The following VPS53 variants were observed in gnomAD, a reference collection of about 807,000 sequenced individuals.
VPS53 encodes the protein VPS53 subunit of GARP complex.
Under a neutral mutation model 107.0 loss-of-function variants are expected in VPS53, and 70 were observed. The ratio of observed to expected loss-of-function variants is 0.65; its 90% confidence interval spans 0.54 to 0.80. The LOEUF is 0.80. VPS53 is among the 30% of genes least tolerant of loss of function. The pLI is 0.00. For missense variants in VPS53, 917 were observed against 1,049.4 expected (o/e 0.87, Z 1.74); for synonymous variants, 409 against 393.3 (o/e 1.04, Z -0.47).
intron 5 of VPS53, chr17:656,794 T>C: frequency 6.9e-7 from 1 of 1,451,338 alleles, no homozygotes; most frequent in Non-Finnish European, 9.6e-7. Flanking sequence ...ACGGACCATT[T>C]CACCCGCTGC....
Position 511,077 on chromosome 17 carries a change from G to C in VPS53, c.*8051C>G, listed in dbSNP as rs368726789. ...GGCTGTGGGGGACTCTGTGTAAACA[G>C]ATGTTTTCTTTATATAGCATTTGAT... On this transcript the variant is annotated 3_prime_UTR_variant, in exon 22 of 22. Coordinates refer to ENST00000437048, the MANE Select transcript of VPS53 (RefSeq NM_001128159.3). 3 of 152,318 alleles carry C rather than the reference G, an allele frequency of 2.0e-5. No homozygotes were observed. The highest frequency in any genetic ancestry group is 4.4e-5 in the Non-Finnish European group (3 of 68,064). The allele number at this position is 152,318 out of a possible 1,614,324, so 9.4% of individuals were successfully genotyped here.
chr17:618,407 C>T (rs1385112470), intron 11 of VPS53, among the ~76,000 whole-genome samples: 19 of 125,720 alleles, frequency 1.5e-4, no homozygotes, highest in African/African-American at 2.8e-4. Flanking sequence ...TGCACCACCA[C>T]GCCCCACTAA....
intron 4 of VPS53, among the ~76,000 whole-genome samples, chr17:662,813 G>GAAAGAGAAAGAAAGAAAA: frequency 6.8e-6 from 1 of 146,626 alleles, no homozygotes. Flanking sequence ...AAGAAAAAAA[G>GAAAGAGAAAGAAAGAAAA]AAAGAAAGAG....
At chr17:578,182 G>C (rs1366146847) in intron 13 of VPS53, among the ~76,000 whole-genome samples, 9 of 151,520 alleles carry the variant, frequency 5.9e-5, no homozygotes, top group Admixed American at 5.9e-4. Context: ...CGTTCCCAAA[G>C]AATCTCCCTC....
intron 8 of VPS53, among the ~76,000 whole-genome samples, chr17:629,528 C>A (rs902249632): frequency 6.6e-6 from 1 of 152,006 alleles, no homozygotes; most frequent in African/African-American, 2.4e-5. Flanking sequence ...GAGGCCAAGG[C>A]AGGCAGATCA....
intron 18 of VPS53, among the ~76,000 whole-genome samples, chr17:535,345 T>C (rs59233002): frequency 0.18 from 27,351 of 152,004 alleles, 6,124 homozygotes; most frequent in African/African-American, 0.52. Context: ...CGACTCCTCC[T>C]TCACTTTAAC....
intron 7 of VPS53, among the ~76,000 whole-genome samples, chr17:637,132 T>C (rs1567696423): frequency 6.6e-6 from 1 of 152,342 alleles, no homozygotes; most frequent in African/African-American, 2.4e-5. Context: ...AACTTCTTCC[T>C]GGTTTAGTCT....
chr17:543,583 C>T (rs1034373847), intron 17 of VPS53, among the ~76,000 whole-genome samples: 20 of 151,676 alleles, frequency 1.3e-4, no homozygotes, highest in African/African-American at 3.6e-4. Context: ...AGGGAGCCCA[C>T]GGCTCTCTAT....
At chr17:579,596 C>A (rs1422987611) in intron 13 of VPS53, among the ~76,000 whole-genome samples, 4 of 151,560 alleles carry the variant, frequency 2.6e-5, no homozygotes, top group African/African-American at 7.3e-5. Context: ...TAATGTGTTC[C>A]CAGAGAACCT....
intron 12 of VPS53, among the ~76,000 whole-genome samples, chr17:595,871 TCG>T (rs1967945934): frequency 7.6e-6 from 1 of 132,080 alleles, no homozygotes; most frequent in African/African-American, 3.2e-5. Flanking sequence ...ATCAATTTCC[TCG>T]TTTGATGATG....
chr17:677,369 T>C (rs1483888556), intron 4 of VPS53, among the ~76,000 whole-genome samples: 1 of 152,208 alleles, frequency 6.6e-6, no homozygotes, highest in African/African-American at 2.4e-5. Flanking sequence ...ATTGTAGAAT[T>C]CCACTTATAT....
Position 512,356 on chromosome 17 carries a change from G to A in VPS53, c.*6772C>T, listed in dbSNP as rs1293122598. 1 of 152,216 alleles carries A rather than the reference G, an allele frequency of 6.6e-6. No homozygotes were observed. The highest frequency in any genetic ancestry group is 1.5e-5 in the Non-Finnish European group (1 of 68,048). The allele number at this position is 152,216 out of a possible 1,614,324, so 9.4% of individuals were successfully genotyped here. ...ACCAATATTGAAAATGGATGCTCAG[G>A]GGATCAGTGACTCGCCTGGTGTCAA... On this transcript the variant is annotated 3_prime_UTR_variant, in exon 22 of 22. Coordinates refer to ENST00000437048, the MANE Select transcript of VPS53 (RefSeq NM_001128159.3).
chr17:529,660 G>A (rs1322675305), intron 19 of VPS53, among the ~76,000 whole-genome samples: 1 of 152,040 alleles, frequency 6.6e-6, no homozygotes, highest in Non-Finnish European at 1.5e-5. Context: ...TGGATTCTGT[G>A]TCTTAATATT....
chr17:594,825 C>G (rs1182146096), intron 12 of VPS53, among the ~76,000 whole-genome samples: 1 of 108,622 alleles, frequency 9.2e-6, no homozygotes, highest in Admixed American at 8.8e-5. Context: ...GTGCCCTGCC[C>G]TCGAGGAAGC....
At chr17:707,195 G>T (rs1048605306) in intron 2 of VPS53, among the ~76,000 whole-genome samples, 1 of 152,090 alleles carries the variant, frequency 6.6e-6, no homozygotes, top group Non-Finnish European at 1.5e-5. Context: ...ATAATATTCT[G>T]GGGATACAGG....
intron 13 of VPS53, among the ~76,000 whole-genome samples, chr17:565,423 A>AG (rs1470806203): frequency 3.2e-4 from 42 of 132,814 alleles, no homozygotes; most frequent in Non-Finnish European, 3.4e-4. Context: ...AAAAAAAAAA[A>AG]AAAGAAAGAA....
At chr17:699,215 T>C in intron 3 of VPS53, 116 bp downstream of exon 3, 1 of 704,174 alleles carries the variant, frequency 1.4e-6, no homozygotes, top group Non-Finnish European at 2.1e-6. Context: ...TATATTACCA[T>C]CTATGGCAAA....
At chr17:533,583 G>A (rs1426431638) in intron 18 of VPS53, among the ~76,000 whole-genome samples, 1 of 152,128 alleles carries the variant, frequency 6.6e-6, no homozygotes, top group Admixed American at 6.5e-5. Context: ...CAGTACACAC[G>A]CACCTCTCAG....
chr17:541,983 T>G (rs531236848), intron 17 of VPS53, among the ~76,000 whole-genome samples: 1 of 140,232 alleles, frequency 7.1e-6, no homozygotes, highest in Admixed American at 7.3e-5. Context: ...ATCAAGCACC[T>G]ACCATGCACC....
Sources: allele counts gnomAD v4.1 joint callset (sites outside exome capture counted in the v4.1 genomes callset), GRCh38; gene constraint gnomAD v4.1.1; transcripts MANE v1.5; gene names NCBI Gene and HGNC (gene_info 2026-07-23, HGNC 2026-07-21).